ATG7: variants seen among roughly 807,000 people sequenced by gnomAD.
The protein encoded by ATG7 is ubiquitin-like modifier-activating enzyme ATG7.
A neutral mutation model predicts 82.4 loss-of-function variants in ATG7; 70 were observed. The observed-to-expected ratio is 0.85, with a 90% CI of 0.70 to 1.04. The LOEUF is 1.04. Ranked by LOEUF, ATG7 falls within the 50% of genes least tolerant of loss-of-function variation. The pLI is 0.00. For synonymous variants in ATG7, 287 were observed against 313.0 expected, an observed-to-expected ratio of 0.92 and a Z score of 0.88; for missense variants, 792 against 864.3, an observed-to-expected ratio of 0.92 and a Z score of 1.05.
In ATG7 at chr3:11,312,678, A is replaced by C. The variant is rs1400561246; in HGVS notation, c.412-626A>C. ...AAGGGCTTGATAGTTGTTGACTTAA[A>C]TCCACTAAGCCATTTACAAAAGCAA... On this transcript the variant is annotated intron_variant, in intron 7 of 20. Transcript: ENST00000693202. Among the ~76,000 whole-genome samples the C allele has an allele frequency of 2.6e-5, 4 of 152,224 alleles. No homozygotes were observed. In the East Asian group the frequency reaches 5.8e-4, roughly 22 times the overall value.
intron 19 of ATG7, among the ~76,000 whole-genome samples, chr3:11,405,864 C>G (rs527287154): frequency 9.2e-5 from 14 of 152,224 alleles, no homozygotes; most frequent in African/African-American, 3.1e-4. Context: ...AAGACATCCA[C>G]CGCCTTGGCC....
intron 20 of ATG7, among the ~76,000 whole-genome samples, chr3:11,453,196 G>C (rs2085364944): frequency 6.6e-6 from 1 of 152,214 alleles, no homozygotes; most frequent in Non-Finnish European, 1.5e-5. Context: ...CCCAGGTGGA[G>C]AACAGACGGG....
the ATG7 span, chr3:11,564,839 T>A: frequency 6.3e-7 from 1 of 1,599,946 alleles, no homozygotes; most frequent in Non-Finnish European, 8.5e-7. Context: ...AGAGGCCGGC[T>A]GGCCTGCTGG....
chr3:11,354,617 C>G (rs953792921), intron 14 of ATG7, among the ~76,000 whole-genome samples: 5 of 140,216 alleles, frequency 3.6e-5, no homozygotes, highest in Non-Finnish European at 6.0e-5. Flanking sequence ...CCACTGCACT[C>G]CAGTCTGGTC....
At chr3:11,468,882 T>A (rs954288870) in intron 20 of ATG7, among the ~76,000 whole-genome samples, 2 of 152,250 alleles carry the variant, frequency 1.3e-5, no homozygotes, top group African/African-American at 4.8e-5. Flanking sequence ...ACCTAATGTA[T>A]TTTTGTAATG....
chr3:11,471,622 C>T (rs2087528387), intron 20 of ATG7, among the ~76,000 whole-genome samples: 1 of 149,682 alleles, frequency 6.7e-6, no homozygotes, highest in African/African-American at 2.5e-5. Context: ...TTTATATTCC[C>T]CAGGTGATGG....
chr3:11,561,042 G>A (rs1376148777), downstream of ATG7, among the ~76,000 whole-genome samples: 3 of 151,428 alleles, frequency 2.0e-5, no homozygotes, highest in Admixed American at 2.0e-4. Context: ...CAGGAGGAAG[G>A]AGGGCCCTGC....
chr3:11,504,757 T>A (rs1282710051), intron 20 of ATG7, among the ~76,000 whole-genome samples: 1 of 152,164 alleles, frequency 6.6e-6, no homozygotes, highest in Non-Finnish European at 1.5e-5. Context: ...AACAATGTTG[T>A]ACAAGAAAGA....
intron 20 of ATG7, among the ~76,000 whole-genome samples, chr3:11,525,278 G>T (rs1294918109): frequency 6.6e-6 from 1 of 151,212 alleles, no homozygotes; most frequent in East Asian, 1.9e-4. Flanking sequence ...TGATCTACCC[G>T]CCTTGACCTC....
intron 20 of ATG7, among the ~76,000 whole-genome samples, chr3:11,542,520 T>C (rs1463346690): frequency 6.6e-6 from 1 of 152,196 alleles, no homozygotes; most frequent in Non-Finnish European, 1.5e-5. Flanking sequence ...CACCGGCAGA[T>C]GTACCTTGCC....
chr3:11,504,105 T>G (rs1390134065), intron 20 of ATG7, among the ~76,000 whole-genome samples: 1 of 152,034 alleles, frequency 6.6e-6, no homozygotes, highest in East Asian at 1.9e-4. Context: ...AACACTAAGG[T>G]TCATCATAGT....
At chr3:11,465,021 T>C (rs561618564) in intron 20 of ATG7, among the ~76,000 whole-genome samples, 2 of 150,422 alleles carry the variant, frequency 1.3e-5, no homozygotes, top group South Asian at 2.1e-4. Context: ...ATTAAAGATG[T>C]AGAGAGAAGT....
Position 11,468,570 on chromosome 3 carries a change from T to A in ATG7, c.2079+41644T>A, listed in dbSNP as rs575529163. ...TGGATTTCACATCATTCATTAGCCC[T>A]CTCGATCCCCACAGAGAGGGACGTT... On this transcript the variant is annotated intron_variant, in intron 20 of 20. Transcript: ENST00000693202. Among the ~76,000 whole-genome samples the A allele has an allele frequency of 2.0e-5, 3 of 152,248 alleles. No homozygotes were observed. The South Asian group carries it at 6.2e-4, about 32-fold the overall frequency.
chr3:11,557,904 C>T (rs149366792), downstream of ATG7: 343 of 153,350 alleles, frequency 2.2e-3, 1 homozygote, highest in Middle Eastern at 3.4e-3. Flanking sequence ...ATGAGACTTC[C>T]CCTTCCAAAG....
chr3:11,325,188 G>A (rs757634053), intron 9 of ATG7, among the ~76,000 whole-genome samples: 10 of 152,110 alleles, frequency 6.6e-5, no homozygotes, highest in Non-Finnish European at 1.3e-4. Context: ...TTGGTATGAC[G>A]GTGAAATTGC....
chr3:11,365,517 T>C (rs2076541144), intron 18 of ATG7, among the ~76,000 whole-genome samples: 1 of 152,202 alleles, frequency 6.6e-6, no homozygotes, highest in African/African-American at 2.4e-5. Context: ...AAATCATTTT[T>C]TTTTAGATTC....
At chr3:11,400,373 C>T (rs965948104) in intron 19 of ATG7, among the ~76,000 whole-genome samples, 7 of 139,132 alleles carry the variant, frequency 5.0e-5, no homozygotes, top group African/African-American at 1.9e-4. Flanking sequence ...GCCAATAAAT[C>T]AATGAGCAGA....
chr3:11,482,816 C>A (rs2089171525), intron 20 of ATG7, among the ~76,000 whole-genome samples: 2 of 150,390 alleles, frequency 1.3e-5, no homozygotes, highest in Non-Finnish European at 3.0e-5. Context: ...AGGTTTATAT[C>A]ATTTGTATAC....
At chr3:11,287,506 A>G (rs1220116650) in intron 3 of ATG7, among the ~76,000 whole-genome samples, 3 of 152,224 alleles carry the variant, frequency 2.0e-5, no homozygotes, top group Non-Finnish European at 4.4e-5. Context: ...GGGTAGAACT[A>G]GAAAAGTCGG....
Sources: gnomAD v4.1 joint callset for allele counts (sites outside exome capture counted in the v4.1 genomes callset) on GRCh38, gnomAD v4.1.1 for gene constraint, MANE v1.5 for transcripts, NCBI Gene and HGNC (gene_info 2026-07-23, HGNC 2026-07-21) for gene names.